The following CASD1 variants were observed in gnomAD, a reference collection of about 807,000 sequenced individuals.
CASD1 encodes the protein CAS1 domain sialic acid O acetyltransferase 1.
Under a neutral mutation model 100.0 loss-of-function variants are expected in CASD1, and 41 were observed. The ratio of observed to expected loss-of-function variants is 0.41; its 90% CI spans 0.32 to 0.53. The LOEUF (loss-of-function observed/expected upper bound fraction) is 0.53, where lower values mean the gene tolerates loss of function less well. Among genes scored for constraint, CASD1 ranks in the 20% least tolerant of loss-of-function variants. The probability of loss-of-function intolerance (pLI) is 0.25; values close to 1 mark genes in which losing one functional copy is unlikely to be tolerated. For missense variants in CASD1, 774 were observed against 948.7 expected (o/e 0.82, Z 2.42); for synonymous variants, 321 against 315.6 (o/e 1.02, Z -0.18).
At chr7:94,617,583 A>G in the CASD1 span, 3 of 152,232 alleles carry the variant, frequency 2.0e-5, no homozygotes, top group African/African-American at 7.2e-5. Context: ...TGTAACTATG[A>G]AGTAAAAATT....
the CASD1 span, among the ~76,000 whole-genome samples, chr7:94,632,725 G>T: frequency 6.6e-6 from 1 of 151,930 alleles, no homozygotes; most frequent in Admixed American, 6.6e-5. Flanking sequence ...TTTCCCTTTC[G>T]CATTTGTTAC....
the CASD1 span, among the ~76,000 whole-genome samples, chr7:94,614,106 TCAAAAA>T: frequency 1.3e-4 from 7 of 55,172 alleles, no homozygotes; most frequent in African/African-American, 6.1e-4. Context: ...CAAATTGAAA[TCAAAAA>T]AAAAAAAAAA....
the CASD1 span, among the ~76,000 whole-genome samples, chr7:94,569,670 C>T: frequency 4.2e-3 from 645 of 151,978 alleles, 4 homozygotes; most frequent in African/African-American, 0.014. Flanking sequence ...TCTAAAAATC[C>T]GGGCCTCAAG....
At chr7:94,553,347 C>T (rs1796038927) in intron 16 of CASD1, among the ~76,000 whole-genome samples, 2 of 152,242 alleles carry the variant, frequency 1.3e-5, no homozygotes, top group South Asian at 4.1e-4. Flanking sequence ...CCAGGACTAA[C>T]ACAAGCAAAA....
chr7:94,561,681 G>C (rs1211005480), downstream of CASD1, among the ~76,000 whole-genome samples: 1 of 151,786 alleles, frequency 6.6e-6, no homozygotes, highest in Non-Finnish European at 1.5e-5. Context: ...ACTCAAGTTT[G>C]CCTAAAAGAT....
At chr7:94,524,950 A>G (rs971017429) in intron 3 of CASD1, among the ~76,000 whole-genome samples, 1 of 152,126 alleles carries the variant, frequency 6.6e-6, no homozygotes, top group East Asian at 1.9e-4. Context: ...AAAAAATTGG[A>G]TATGGACTGT....
At chr7:94,630,064 C>G in the CASD1 span, among the ~76,000 whole-genome samples, 281 of 152,050 alleles carry the variant, frequency 1.8e-3, 1 homozygote, top group African/African-American at 6.6e-3. Context: ...ACAGCCTTTT[C>G]AAACACTACA....
At chr7:94,607,634 A>G in the CASD1 span, among the ~76,000 whole-genome samples, 8 of 152,206 alleles carry the variant, frequency 5.3e-5, no homozygotes, top group African/African-American at 1.9e-4. Context: ...TAAACTAGGA[A>G]TAGAGGGGAA....
At chr7:94,562,863 G>C in the CASD1 span, among the ~76,000 whole-genome samples, 2 of 151,974 alleles carry the variant, frequency 1.3e-5, no homozygotes, top group Non-Finnish European at 2.9e-5. Context: ...TAGACCAGGT[G>C]GTCTCCTACT....
chr7:94,552,606 A>AT (rs1796004226), intron 16 of CASD1, among the ~76,000 whole-genome samples, 179 bp downstream of exon 16: 1 of 152,102 alleles, frequency 6.6e-6, no homozygotes, highest in Admixed American at 6.6e-5. Flanking sequence ...GGGTTCTTGT[A>AT]TTTAATATAT....
chr7:94,512,064 T>G (rs1014669762), intron 1 of CASD1, among the ~76,000 whole-genome samples: 52 of 152,308 alleles, frequency 3.4e-4, no homozygotes, highest in Middle Eastern at 3.4e-3. Flanking sequence ...ACCAGGAATA[T>G]CCTCATGCTT....
Position 94,518,411 on chromosome 7 carries a change from T to C in CASD1, c.351+88T>C, listed in dbSNP as rs549438965. The C allele has an allele frequency of 1.2e-5, 14 of 1,154,454 alleles. 1 individual carries two copies. The East Asian group carries it at 3.2e-4, about 26-fold the overall frequency. The allele number at this position is 1,154,454 out of a possible 1,614,324, so 71.5% of individuals were successfully genotyped here. On this transcript the variant is annotated intron_variant, in intron 3 of 17. Coordinates refer to ENST00000297273, the MANE Select transcript of CASD1 (RefSeq NM_022900.5). ...GAGGAGTGTGTCTCTCCAGATTGAGTAGGAGCTGAAAAAATTTTACTTTGA... is the reference window on the plus strand; with the variant it reads ...GAGGAGTGTGTCTCTCCAGATTGAGCAGGAGCTGAAAAAATTTTACTTTGA...
the CASD1 span, among the ~76,000 whole-genome samples, chr7:94,607,685 G>A: frequency 6.6e-6 from 1 of 152,120 alleles, no homozygotes; most frequent in South Asian, 2.1e-4. Context: ...TACTCTAAAT[G>A]AGAAACTTGA....
intron 10 of CASD1, among the ~76,000 whole-genome samples, chr7:94,539,340 C>T (rs974202576): frequency 6.6e-6 from 1 of 152,066 alleles, no homozygotes; most frequent in Non-Finnish European, 1.5e-5. Context: ...TTATTTTATG[C>T]CATCTTATTG....
chr7:94,600,101 T>C, the CASD1 span: 1 of 210,770 alleles, frequency 4.7e-6, no homozygotes, highest in Non-Finnish European at 9.5e-6. Flanking sequence ...ATTACCTTAA[T>C]TGACATAGAT....
chr7:94,534,029 G>A (rs1231549166), intron 7 of CASD1, among the ~76,000 whole-genome samples: 1 of 151,802 alleles, frequency 6.6e-6, no homozygotes, highest in Admixed American at 6.6e-5. Context: ...GAAACCTCAT[G>A]GCTATAGAAT....
At chr7:94,628,582 A>C in the CASD1 span, 1 of 522,926 alleles carries the variant, frequency 1.9e-6, no homozygotes, top group Non-Finnish European at 3.4e-6. Context: ...CAAAGAAAGC[A>C]GATTCATACA....
chr7:94,586,070 A>AC, the CASD1 span, among the ~76,000 whole-genome samples: 2 of 149,526 alleles, frequency 1.3e-5, no homozygotes, highest in Non-Finnish European at 3.0e-5. Context: ...TGAAAAAAAA[A>AC]AAAAAAAAAA....
the CASD1 span, among the ~76,000 whole-genome samples, chr7:94,613,570 C>G: frequency 1.3e-5 from 2 of 151,988 alleles, no homozygotes; most frequent in South Asian, 4.2e-4. Context: ...TTTTTTTATC[C>G]CAACAATTCA....
Sources: gnomAD v4.1 joint callset for allele counts (sites outside exome capture counted in the v4.1 genomes callset) on GRCh38, gnomAD v4.1.1 for gene constraint, MANE v1.5 for transcripts, NCBI Gene and HGNC (gene_info 2026-07-23, HGNC 2026-07-21) for gene names.